Variants in ARHGAP29 observed in about 807,000 individuals in gnomAD.
The protein encoded by ARHGAP29 is Rho GTPase activating protein 29.
ARHGAP29 carries 43 observed loss-of-function variants against 122.6 expected under a neutral mutation model. That is an observed-to-expected ratio of 0.35 (90% CI 0.27 to 0.45). The LOEUF (loss-of-function observed/expected upper bound fraction) is 0.45, where lower values mean the gene tolerates loss of function less well. Among genes scored for constraint, ARHGAP29 ranks in the 20% least tolerant of loss-of-function variants. The pLI is 1.00. For missense variants in ARHGAP29, 1,303 were observed against 1,477.2 expected (o/e 0.88, Z 1.93); for synonymous variants, 506 against 497.1 (o/e 1.02, Z -0.24).
At chr1:94,217,513 GAC>G (rs1373213220) in intron 3 of ARHGAP29, among the ~76,000 whole-genome samples, 1 of 133,342 alleles carries the variant, frequency 7.5e-6, no homozygotes, top group East Asian at 2.3e-4. Flanking sequence ...CAGCCGGTGT[GAC>G]AGAGACACCG....
chr1:94,174,379 G>C lies in ARHGAP29; in HGVS notation c.3276C>G (p.Ala1092=). Residue 1092 remains alanine (A), a synonymous_variant, in exon 23 of 23, where the codon GCC becomes GCG. Transcript: ENST00000260526. ...CACTGGGCATGATCATTGTAGTCTT[G>C]GCAGTTAGGCTGTTTTGTTCATACT... ...DKQYEQNSLT[A]KTTMIMPSAL... The C allele has an allele frequency of 6.2e-7, 1 of 1,614,124 alleles. No homozygotes were observed. The highest frequency in any genetic ancestry group is 8.5e-7 in the Non-Finnish European group (1 of 1,180,020).
the ARHGAP29 span, chr1:94,302,584 C>T: frequency 2.7e-6 from 1 of 369,632 alleles, no homozygotes; most frequent in East Asian, 8.6e-5. Flanking sequence ...ACTCTCATGG[C>T]CCCTCTGGGA....
chr1:94,184,020 A>C, intron 19 of ARHGAP29, 131 bp downstream of exon 19: 2 of 975,812 alleles, frequency 2.0e-6, no homozygotes, highest in Non-Finnish European at 3.1e-6. Flanking sequence ...CCTATGCACT[A>C]ATCATTAGCA....
At chr1:94,280,052 T>TTCCTGTGATACAGTACTTA (rs1655300508), upstream of ARHGAP29, among the ~76,000 whole-genome samples, 1 of 152,000 alleles carries the variant, frequency 6.6e-6, no homozygotes. Flanking sequence ...TACAGTACTT[T>TTCCTGTGATACAGTACTTA]TATGTTATAT....
intron 1 of ARHGAP29, among the ~76,000 whole-genome samples, chr1:94,247,615 G>T (rs535343166): frequency 1.3e-5 from 2 of 151,528 alleles, no homozygotes; most frequent in South Asian, 4.2e-4. Flanking sequence ...CCACACCTAC[G>T]GCCGCCGCCA....
chr1:94,301,576 A>G, the ARHGAP29 span, among the ~76,000 whole-genome samples: 5 of 152,144 alleles, frequency 3.3e-5, no homozygotes, highest in Admixed American at 3.3e-4. Flanking sequence ...GACCTGGGCA[A>G]TATGTTCAGC....
chr1:94,237,572 C>A lies in ARHGAP29; in HGVS notation c.-190G>T, dbSNP rs1026010572. On this transcript the variant is annotated 5_prime_UTR_variant, in exon 1 of 23. Transcript: ENST00000260526. ...CCGCAGCCGCAGCCACAGCCACAGG[C>A]ACCACCACCACTGCAGCCGCCACCG... is the stretch of plus-strand genomic sequence containing the variant. 3.5e-5 allele frequency: 35 copies of A among 991,072 alleles called. No individual in the cohort carries two copies. Among genetic ancestry groups the A allele is most frequent in the South Asian group, 1.3e-4 (3 of 22,318 alleles). The allele number at this position is 991,072 out of a possible 1,614,324, so 61.4% of individuals were successfully genotyped here.
At chr1:94,237,596 C>A (rs1023325230), upstream of ARHGAP29, 4 of 989,072 alleles carry the variant, frequency 4.0e-6, no homozygotes, top group Non-Finnish European at 4.8e-6. Flanking sequence ...CAGCCGCCAC[C>A]GCCCCTGCAG....
chr1:94,210,016 T>C (rs954602885), intron 3 of ARHGAP29, among the ~76,000 whole-genome samples: 3 of 152,218 alleles, frequency 2.0e-5, no homozygotes, highest in African/African-American at 7.2e-5. Flanking sequence ...TTCTAATATT[T>C]TGCATTTTGT....
chr1:94,256,223 C>T (rs570836602), intron 1 of ARHGAP29, among the ~76,000 whole-genome samples: 1 of 151,510 alleles, frequency 6.6e-6, no homozygotes, highest in Non-Finnish European at 1.5e-5. Context: ...TTCTATTCCT[C>T]TCTGTATGTT....
At chr1:94,230,716 A>ATAT (rs1380344536) in intron 2 of ARHGAP29, among the ~76,000 whole-genome samples, 2 of 151,872 alleles carry the variant, frequency 1.3e-5, no homozygotes, top group African/African-American at 4.8e-5. Context: ...ACTGCCATTT[A>ATAT]TCATAGAAGA....
intron 1 of ARHGAP29, among the ~76,000 whole-genome samples, chr1:94,259,677 C>T (rs1192371841): frequency 4.6e-5 from 7 of 152,172 alleles, no homozygotes; most frequent in African/African-American, 1.4e-4. Context: ...ACGAGGGATT[C>T]ATCTCTAGGG....
rs1456710834 is a variant in ARHGAP29 at position 94,171,196 on chromosome 1, A to G, written c.*2673T>C. ...CCATAGTACCATCTTTAAATCACCC[A>G]AATAACTGAGGTACAATTCTATCTG... On this transcript the variant is annotated 3_prime_UTR_variant, in exon 23 of 23. Transcript: ENST00000260526. Among the ~76,000 whole-genome samples, 1 of 152,180 alleles carries G rather than the reference A, an allele frequency of 6.6e-6. No homozygotes were observed. The highest frequency in any genetic ancestry group is 6.6e-5 in the Admixed American group (1 of 15,266).
chr1:94,177,456 TA>T (rs999988212), intron 22 of ARHGAP29, 155 bp downstream of exon 22: 3 of 507,802 alleles, frequency 5.9e-6, no homozygotes, highest in African/African-American at 5.9e-5. Context: ...CAAGATACAC[TA>T]AAAGGCAACT....
chr1:94,241,557 C>T (rs543705816), upstream of ARHGAP29, among the ~76,000 whole-genome samples: 54 of 150,456 alleles, frequency 3.6e-4, no homozygotes, highest in Non-Finnish European at 6.2e-4. Flanking sequence ...GTAGAGGTTG[C>T]AGTGAGCCAA....
intron 1 of ARHGAP29, among the ~76,000 whole-genome samples, chr1:94,261,577 T>C (rs1264173334): frequency 1.3e-5 from 2 of 152,156 alleles, no homozygotes; most frequent in Non-Finnish European, 2.9e-5. Context: ...AAAATCAACA[T>C]ACAAAAATTA....
At chr1:94,241,730 ATAT>A (rs1557884328), upstream of ARHGAP29, among the ~76,000 whole-genome samples, 1 of 131,502 alleles carries the variant, frequency 7.6e-6, no homozygotes, top group African/African-American at 2.8e-5. Flanking sequence ...TATATAATAT[ATAT>A]TTATATATAT....
At chr1:94,228,820 G>A (rs1652767113) in intron 2 of ARHGAP29, among the ~76,000 whole-genome samples, 1 of 151,782 alleles carries the variant, frequency 6.6e-6, no homozygotes, top group Non-Finnish European at 1.5e-5. Flanking sequence ...TTAAACAACT[G>A]CGGCAAAAGT....
At chr1:94,309,737 T>C in the ARHGAP29 span, among the ~76,000 whole-genome samples, 1 of 152,200 alleles carries the variant, frequency 6.6e-6, no homozygotes, top group Non-Finnish European at 1.5e-5. Flanking sequence ...ATAAAGAGCC[T>C]GTCTTTCGAA....
Sources: allele counts gnomAD v4.1 joint callset (sites outside exome capture counted in the v4.1 genomes callset), GRCh38; gene constraint gnomAD v4.1.1; transcripts MANE v1.5; gene names NCBI Gene and HGNC (gene_info 2026-07-23, HGNC 2026-07-21).